The following PRRC2C variants were observed in gnomAD, a reference collection of about 807,000 sequenced individuals.
The protein encoded by PRRC2C is protein PRRC2C.
Under a neutral mutation model 317.2 loss-of-function variants are expected in PRRC2C, and 72 were observed. The observed-to-expected ratio is 0.23, with a 90% confidence interval of 0.19 to 0.28. The LOEUF is 0.28. Among genes scored for constraint, PRRC2C ranks in the 10% least tolerant of loss-of-function variants. The pLI is 1.00. For missense variants in PRRC2C, 3,074 were observed against 3,459.7 expected (o/e 0.89, Z 2.80); for synonymous variants, 1,296 against 1,205.9 (o/e 1.07, Z -1.55).
chr1:171,577,170 G>A (rs1685836267), intron 25 of PRRC2C, among the ~76,000 whole-genome samples: 1 of 152,120 alleles, frequency 6.6e-6, no homozygotes, highest in Admixed American at 6.5e-5. Context: ...TAGGCTCTCA[G>A]CCTCATTTTA....
At position 171,591,886 on chromosome 1, in the gene PRRC2C, G is replaced by GCCGCCCCCC; in HGVS notation, c.*39_*40insCCGCCCCCC. On this transcript the variant is annotated 3_prime_UTR_variant, in exon 35 of 35. Transcript: ENST00000647382. ...TTGCAGGGGATTGGGAGGGGGGCGG[G>GCCGCCCCCC]AAAACATGGAGAATTAAGTCAGATA... 1 of 475,636 alleles carries GCCGCCCCCC rather than the reference G, an allele frequency of 2.1e-6. No individual in the cohort carries two copies. The highest frequency in any genetic ancestry group is 3.7e-6 in the Non-Finnish European group (1 of 266,840). The allele number at this position is 475,636 out of a possible 1,614,324, so 29.5% of individuals were successfully genotyped here.
rs769715490 is a variant in PRRC2C at position 171,566,752 on chromosome 1, C to T, written c.6467C>T (p.Thr2156Met). Residue 2156 changes from threonine (T) to methionine (M), a missense_variant, in exon 22 of 35, where the codon ACG becomes ATG. Thr to Met is a moderately conservative substitution (Grantham distance 81). This residue lies in a region of PRRC2C where 640 missense variants were observed against 676.1 expected (regional missense o/e 0.95). Transcript: ENST00000647382. ...ACAGTCAGAAGCACAGATCCTGTCA[C>T]GACAAAGGAGACTAAAGCAGTCTCA... ...PATVRSTDPV[T>M]TKETKAVSEM... The T allele has an allele frequency of 2.1e-5, 34 of 1,613,512 alleles. No homozygotes were observed. The highest frequency in any genetic ancestry group is 2.1e-4 in the South Asian group (19 of 91,016).
Position 171,588,349 on chromosome 1 carries a change from T to C in PRRC2C, c.8073-30T>C, listed in dbSNP as rs559235796. ...AACAGCATTATTTACTTGGTATTACTATACTGACTAGTAATGGCTTCTTTC... is the reference window on the plus strand; with the variant it reads ...AACAGCATTATTTACTTGGTATTACCATACTGACTAGTAATGGCTTCTTTC... On this transcript the variant is annotated intron_variant, in intron 32 of 34. Coordinates refer to ENST00000647382, the MANE Select transcript of PRRC2C (RefSeq NM_001387844.1). 3.2e-5 allele frequency: 51 copies of C among 1,609,898 alleles called. No homozygotes were observed. In the East Asian group the frequency reaches 8.5e-4, roughly 27 times the overall value.
chr1:171,533,674 A>AG (rs1676283284), intron 12 of PRRC2C, among the ~76,000 whole-genome samples: 2 of 152,052 alleles, frequency 1.3e-5, no homozygotes, highest in African/African-American at 2.4e-5. Flanking sequence ...TCCAGGCTGG[A>AG]GTGCAGTGGC....
intron 1 of PRRC2C, among the ~76,000 whole-genome samples, chr1:171,500,596 A>G (rs1163527784): frequency 2.0e-5 from 3 of 152,076 alleles, no homozygotes; most frequent in African/African-American, 7.2e-5. Context: ...CAGTCTCACT[A>G]TGTTGCCCAG....
At position 171,586,983 on chromosome 1, in the gene PRRC2C, T is replaced by A. The variant is rs770608499; in HGVS notation, c.7750-20T>A. 1.3e-6 allele frequency: 2 copies of A among 1,539,738 alleles called. No individual in the cohort carries two copies. The highest frequency in any genetic ancestry group is 1.4e-5 in the African/African-American group (1 of 73,394). On this transcript the variant is annotated intron_variant, in intron 30 of 34. Transcript: ENST00000647382. ...TAAACAGAAACAAATTGCTTCAGTT[T>A]CTCTTTACTTATTTTCTAGGTTACA... is the stretch of plus-strand genomic sequence containing the variant.
intron 16 of PRRC2C, among the ~76,000 whole-genome samples, chr1:171,543,517 C>T (rs993976572): frequency 2.6e-5 from 4 of 152,142 alleles, no homozygotes; most frequent in Non-Finnish European, 4.4e-5. Flanking sequence ...TGTGAAGATA[C>T]TAAGATGATA....
At chr1:171,564,173 A>C (rs1354163315) in intron 20 of PRRC2C, among the ~76,000 whole-genome samples, 1 of 152,168 alleles carries the variant, frequency 6.6e-6, no homozygotes, top group Non-Finnish European at 1.5e-5. Context: ...TTTTTCTTAG[A>C]TTATTCTAGT....
intron 27 of PRRC2C, 59 bp downstream of exon 27, chr1:171,579,525 T>C: frequency 6.3e-7 from 1 of 1,575,238 alleles, no homozygotes; most frequent in Non-Finnish European, 8.6e-7. Flanking sequence ...GTGGTTATAA[T>C]AGTTATCTTG....
chr1:171,535,995 T>C, intron 13 of PRRC2C, 34 bp from the exon 14 acceptor site: 7 of 1,550,826 alleles, frequency 4.5e-6, no homozygotes, highest in Non-Finnish European at 5.2e-6. Context: ...CATGTGGAAC[T>C]AAACTCTCAA....
chr1:171,538,287 T>C (rs1571870713), intron 15 of PRRC2C, among the ~76,000 whole-genome samples: 1 of 152,322 alleles, frequency 6.6e-6, no homozygotes, highest in East Asian at 1.9e-4. Context: ...TTGGGATGTC[T>C]TTATTGTAGA....
At chr1:171,588,310 GT>G in intron 32 of PRRC2C, 68 bp from the exon 33 acceptor site, 1 of 1,533,060 alleles carries the variant, frequency 6.5e-7, no homozygotes, top group Non-Finnish European at 8.9e-7. Context: ...CAAGAACGGT[GT>G]TTGCAAAAAT....
intron 34 of PRRC2C, chr1:171,591,091 A>G (rs1281427670): frequency 2.5e-6 from 2 of 810,054 alleles, no homozygotes; most frequent in African/African-American, 1.9e-5. Flanking sequence ...GGTAGGAGCT[A>G]TCAGAACTTA....
chr1:171,586,063 ATTT>A lies in PRRC2C; in HGVS notation c.7750-921_7750-919del, dbSNP rs920423722. Reference sequence around the variant, plus strand: ...ATCCGTCGCAGGAGGTCAGGTGTTGATTTTTTTTTTTTTTTTTTTTTGAGACGG... The same window carrying A: ...ATCCGTCGCAGGAGGTCAGGTGTTGATTTTTTTTTTTTTTTTTTGAGACGG... On this transcript the variant is annotated intron_variant, in intron 30 of 34. Coordinates refer to ENST00000647382, the MANE Select transcript of PRRC2C (RefSeq NM_001387844.1). 2.4e-4 allele frequency among the ~76,000 whole-genome samples: 20 copies of A among 83,028 alleles called. 1 individual carries two copies. The highest frequency in any genetic ancestry group is 6.1e-4 in the African/African-American group (13 of 21,202). 54.5% of individuals were successfully genotyped at this position (83,028 alleles called of 152,430 possible). A position where few individuals can be genotyped will look rare whatever the true frequency, so the allele number is the denominator to read the frequency against.
intron 1 of PRRC2C, among the ~76,000 whole-genome samples, chr1:171,496,311 T>A (rs1668098303): frequency 6.8e-6 from 1 of 146,054 alleles, no homozygotes; most frequent in African/African-American, 2.6e-5. Flanking sequence ...CAAGCGATTC[T>A]CTTGCCTCAG....
At chr1:171,518,520 CAG>C (rs1672891148) in intron 6 of PRRC2C, among the ~76,000 whole-genome samples, 2 of 58,642 alleles carry the variant, frequency 3.4e-5, no homozygotes, top group Non-Finnish European at 6.7e-5. Context: ...TTTTTGGAGA[CAG>C]AGTCTTGCTC....
At chr1:171,584,684 A>T in intron 30 of PRRC2C, 158 bp downstream of exon 30, 1 of 835,118 alleles carries the variant, frequency 1.2e-6, no homozygotes, top group South Asian at 2.2e-5. Context: ...GGGTCCACGT[A>T]GAAGGGGTTT....
chr1:171,585,438 G>T (rs1331021565), intron 30 of PRRC2C, among the ~76,000 whole-genome samples: 1 of 57,410 alleles, frequency 1.7e-5, no homozygotes, highest in Non-Finnish European at 4.0e-5. Context: ...AGTGGTGGAG[G>T]GCTGGTGGGG....
At chr1:171,498,775 T>C (rs963842753) in intron 1 of PRRC2C, among the ~76,000 whole-genome samples, 1 of 152,240 alleles carries the variant, frequency 6.6e-6, no homozygotes, top group African/African-American at 2.4e-5. Flanking sequence ...TTGGAAATTC[T>C]GTATACCCTT....
Sources: gnomAD v4.1 joint callset for allele counts (sites outside exome capture counted in the v4.1 genomes callset) on GRCh38, gnomAD v4.1.1 for gene constraint, gnomAD v4.1.1 regional missense constraint, MANE v1.5 for transcripts, NCBI Gene and HGNC (gene_info 2026-07-23, HGNC 2026-07-21) for gene names.